The following BOD1L1 variants were observed in gnomAD, a reference collection of about 807,000 sequenced individuals.
BOD1L1 encodes biorientation of chromosomes in cell division 1 like 1.
Under a neutral mutation model 240.7 loss-of-function variants are expected in BOD1L1, and 86 were observed. That is an observed-to-expected ratio of 0.36 (90% CI 0.30 to 0.43). BOD1L1 has a LOEUF of 0.43. Ranked by LOEUF, BOD1L1 falls within the 20% of genes least tolerant of loss-of-function variation. The pLI, the probability that BOD1L1 is intolerant of heterozygous loss-of-function variation, is 1.00. For missense variants in BOD1L1, 3,554 were observed against 3,643.5 expected (o/e 0.98, Z 0.63); for synonymous variants, 1,268 against 1,272.3 (o/e 1.00, Z 0.07).
chr4:13,609,278 A>G lies in BOD1L1; in HGVS notation c.1603+17T>C, dbSNP rs1478727578. The G allele has an allele frequency of 2.9e-6, 4 of 1,400,116 alleles. No homozygotes were observed. Among genetic ancestry groups the G allele is most frequent in the Admixed American group, 6.4e-5 (2 of 31,446 alleles). 86.7% of individuals were successfully genotyped at this position (1,400,116 alleles called of 1,614,324 possible). A position where few individuals can be genotyped will look rare whatever the true frequency, so the allele number is the denominator to read the frequency against. On this transcript the variant is annotated intron_variant, in intron 7 of 25. Coordinates refer to ENST00000040738, the MANE Select transcript of BOD1L1 (RefSeq NM_148894.3). ...ATATATGAGATAGTTTAAAATATTA[A>G]AAGTTGACATCTATACCTTGACCCT...
chr4:13,577,740 C>T lies in BOD1L1; in HGVS notation c.8750-109G>A, dbSNP rs1385144209. ...GTATCAGTATTAATACATTGTTATA[C>T]ATTTCATCATTATCTTGTATCAGTC... On this transcript the variant is annotated intron_variant, in intron 22 of 25. Transcript: ENST00000040738. 11 of 757,028 alleles carry T rather than the reference C, an allele frequency of 1.5e-5. 1 individual carries two copies. The South Asian group carries it at 1.5e-4, about 10-fold the overall frequency. 46.9% of individuals were successfully genotyped at this position (757,028 alleles called of 1,614,324 possible).
At chr4:13,610,903 A>C (rs1716107861) in intron 6 of BOD1L1, 31 bp downstream of exon 6, 29 of 1,553,880 alleles carry the variant, frequency 1.9e-5, no homozygotes, top group Non-Finnish European at 2.2e-5. Context: ...CTGATGTAGT[A>C]GGTTAAAATA....
At chr4:13,598,385 G>A (rs894997705) in intron 10 of BOD1L1, among the ~76,000 whole-genome samples, 14 of 152,152 alleles carry the variant, frequency 9.2e-5, no homozygotes, top group Non-Finnish European at 1.9e-4. Flanking sequence ...GATCAGATGA[G>A]GGTTGGAATC....
intron 1 of BOD1L1, among the ~76,000 whole-genome samples, chr4:13,621,484 C>A (rs1223824208): frequency 2.6e-5 from 4 of 152,216 alleles, no homozygotes; most frequent in African/African-American, 9.6e-5. Context: ...CATCTTGACA[C>A]CGAAGGTAGG....
intron 1 of BOD1L1, among the ~76,000 whole-genome samples, chr4:13,621,349 G>A (rs1717019331): frequency 6.6e-6 from 1 of 152,118 alleles, no homozygotes; most frequent in Non-Finnish European, 1.5e-5. Flanking sequence ...CCTCCTTTTA[G>A]CTTCAAAGTT....
intron 14 of BOD1L1, 54 bp from the exon 15 acceptor site, chr4:13,588,846 ATACT>A: frequency 7.6e-7 from 1 of 1,312,700 alleles, no homozygotes; most frequent in Non-Finnish European, 1.0e-6. Context: ...TTATATTCCA[ATACT>A]TACTTAGGTA....
At position 13,599,876 on chromosome 4, in the gene BOD1L1, C is replaced by T. The variant is rs772205901; in HGVS notation, c.7024G>A (p.Ala2342Thr). Residue 2342 changes from alanine (A) to threonine (T), a missense_variant, in exon 10 of 26, where the codon GCC becomes ACC. Physicochemically the swap from Ala to Thr is moderately conservative, Grantham distance 58. Coordinates refer to ENST00000040738, the MANE Select transcript of BOD1L1 (RefSeq NM_148894.3). ...TSTAECMPIS[A>T]SIDRHEENQL... ...TTCTCTTCATGTCTGTCAATGCTGG[C>T]GGAAATTGGCATACATTCTGCTGTG... is the stretch of plus-strand genomic sequence containing the variant. 53 of 1,613,832 alleles carry T rather than the reference C, an allele frequency of 3.3e-5. No homozygotes were observed. Among genetic ancestry groups the T allele is most frequent in the African/African-American group, 1.2e-4 (9 of 74,918 alleles).
In BOD1L1 at chr4:13,570,065, T is replaced by A; in HGVS notation, c.9102A>T (p.Arg3034=). ...CCTCCACCCTTTGCTGGCCTCTTGT[T>A]CGGGCCCCAGGAGGGCTGACTTCTC... ...RKREVSPPGA[R]TRGQQRVEEA... is the part of the protein sequence containing the mutation. The change falls in exon 26 of 26, where the codon CGA becomes CGT. Residue 3034 remains arginine (R), a synonymous_variant. Transcript: ENST00000040738. The A allele has an allele frequency of 6.2e-7, 1 of 1,606,874 alleles. No homozygotes were observed.
At position 13,610,947 on chromosome 4, in the gene BOD1L1, C is replaced by T; in HGVS notation, c.1478G>A (p.Arg493Gln). 5 of 1,602,342 alleles carry T rather than the reference C, an allele frequency of 3.1e-6. No homozygotes were observed. In the South Asian group the frequency reaches 3.4e-5, roughly 11 times the overall value. The change falls in exon 6 of 26, where the codon CGA becomes CAA. Residue 493 changes from arginine to glutamine, a missense_variant. Physicochemically the swap from Arg to Gln is conservative, Grantham distance 43. This residue lies in a region of BOD1L1 where 3,393 missense variants were observed against 3,427.1 expected (regional missense o/e 0.99). Transcript: ENST00000040738. The stretch of plus-strand genomic sequence containing the variant: ...AACTGGACTTACAATGGACTGTCGT[C>T]GTTGTTCTACAGTAAGCTCATCATC... Reference protein sequence around the residue: ...DSDDELTVEQRRQSIAKEKEE... With the variant: ...DSDDELTVEQQRQSIAKEKEE...
intron 7 of BOD1L1, among the ~76,000 whole-genome samples, chr4:13,608,920 G>T (rs1168120968): frequency 6.6e-6 from 1 of 152,032 alleles, no homozygotes; most frequent in Non-Finnish European, 1.5e-5. Context: ...ATACAATTTT[G>T]TTCAACACAA....
chr4:13,611,361 T>C (rs186164943), intron 5 of BOD1L1, among the ~76,000 whole-genome samples: 56 of 152,290 alleles, frequency 3.7e-4, no homozygotes, highest in African/African-American at 1.3e-3. Flanking sequence ...ACAAATTAAA[T>C]GTAACAGAGT....
Position 13,600,261 on chromosome 4 carries a change from C to T in BOD1L1, c.6639G>A (p.Lys2213=), listed in dbSNP as rs773567312. The T allele has an allele frequency of 9.3e-6, 15 of 1,613,934 alleles. No homozygotes were observed. Among genetic ancestry groups the T allele is most frequent in the African/African-American group, 5.3e-5 (4 of 74,940 alleles). The change falls in exon 10 of 26, where the codon AAG becomes AAA. Residue 2213 remains lysine (K), a synonymous_variant. Coordinates refer to ENST00000040738, the MANE Select transcript of BOD1L1 (RefSeq NM_148894.3). ...TAGTGGAAATGAGAGCACATTCATCCTTCTCCTCCTTGCTGGTTGAGGCAA... is the reference window on the plus strand; with the variant it reads ...TAGTGGAAATGAGAGCACATTCATCTTTCTCCTCCTTGCTGGTTGAGGCAA... ...SPLASTSKEE[K]DECALISTSI...
Position 13,599,267 on chromosome 4 carries a change from T to C in BOD1L1, c.7633A>G (p.Thr2545Ala). 1 of 1,613,774 alleles carries C rather than the reference T, an allele frequency of 6.2e-7. No homozygotes were observed. Among genetic ancestry groups the C allele is most frequent in the Non-Finnish European group, 8.5e-7 (1 of 1,179,748 alleles). The change falls in exon 10 of 26, where the codon ACC becomes GCC. Residue 2545 changes from threonine to alanine, a missense_variant. Thr to Ala is a moderately conservative substitution (Grantham distance 58). Coordinates refer to ENST00000040738, the MANE Select transcript of BOD1L1 (RefSeq NM_148894.3). Reference protein sequence around the residue: ...KADDMPPVQGTVAEHSFLPAE... With the variant: ...KADDMPPVQGAVAEHSFLPAE... ...GGAAGAAAGGAATGCTCAGCCACGG[T>C]CCCTTGAACAGGTGGCATGTCATCA... is the stretch of plus-strand genomic sequence containing the variant.
At position 13,586,347 on chromosome 4, in the gene BOD1L1, G is replaced by T. The variant is rs1577324268; in HGVS notation, c.8433+49C>A. 1.3e-5 allele frequency: 15 copies of T among 1,158,882 alleles called. No individual in the cohort carries two copies. In the East Asian group the frequency reaches 3.3e-4, roughly 26 times the overall value. The allele number at this position is 1,158,882 out of a possible 1,614,324, so 71.8% of individuals were successfully genotyped here. On this transcript the variant is annotated intron_variant, in intron 17 of 25. Coordinates refer to ENST00000040738, the MANE Select transcript of BOD1L1 (RefSeq NM_148894.3). ...TAAGTATTTACAATGCTGTAATTAG[G>T]CCTCCCTACCCCCACCCAAAACTTA... is the stretch of plus-strand genomic sequence containing the variant.
chr4:13,609,932 C>G (rs1175339548), intron 6 of BOD1L1, among the ~76,000 whole-genome samples: 2 of 152,172 alleles, frequency 1.3e-5, no homozygotes, highest in Non-Finnish European at 2.9e-5. Flanking sequence ...AAAGAATTCA[C>G]AGTCATTGTG....
In BOD1L1 at chr4:13,600,834, A is replaced by C. The variant is rs767041223; in HGVS notation, c.6066T>G (p.Ala2022=). The change falls in exon 10 of 26, where the codon GCT becomes GCG. Residue 2022 remains alanine, a synonymous_variant. Coordinates refer to ENST00000040738, the MANE Select transcript of BOD1L1 (RefSeq NM_148894.3). ...CTTCTTTTTCACTTGGTGATGTGTG[A>C]GCAACTTCACATTCTGGGACTTCAC... The part of the protein sequence containing the change: ...VSGEVPECEV[A]HTSPSEKEDE... The C allele has an allele frequency of 3.7e-6, 6 of 1,613,768 alleles. No homozygotes were observed. The East Asian group carries it at 1.3e-4, about 36-fold the overall frequency.
Position 13,586,301 on chromosome 4 carries a change from A to G in BOD1L1, c.8433+95T>C, listed in dbSNP as rs1577324168. ...TTAGAGACATTTAAAGAGGGATAGTAAAATGAAAAAAATATTATACTAAGT... is the reference window on the plus strand; with the variant it reads ...TTAGAGACATTTAAAGAGGGATAGTGAAATGAAAAAAATATTATACTAAGT... On this transcript the variant is annotated intron_variant, in intron 17 of 25. Coordinates refer to ENST00000040738, the MANE Select transcript of BOD1L1 (RefSeq NM_148894.3). 22 of 603,794 alleles carry G rather than the reference A, an allele frequency of 3.6e-5. No homozygotes were observed. The East Asian group carries it at 6.5e-4, about 18-fold the overall frequency. 37.4% of individuals were successfully genotyped at this position (603,794 alleles called of 1,614,324 possible).
intron 17 of BOD1L1, among the ~76,000 whole-genome samples, chr4:13,584,949 A>T (rs1207268543): frequency 6.6e-6 from 1 of 152,230 alleles, no homozygotes; most frequent in Non-Finnish European, 1.5e-5. Flanking sequence ...TTTCCATGTA[A>T]CATTCTTCTG....
rs773596473 is a variant in BOD1L1 at position 13,615,317 on chromosome 4, G to A, written c.554C>T (p.Thr185Ile). 2 of 1,608,586 alleles carry A rather than the reference G, an allele frequency of 1.2e-6. No individual in the cohort carries two copies. The highest frequency in any genetic ancestry group is 1.7e-6 in the Non-Finnish European group (2 of 1,177,066). The change falls in exon 3 of 26, where the codon ACA becomes ATA. Residue 185 changes from threonine (T) to isoleucine (I), a missense_variant. Transcript: ENST00000040738. ...CAAGAGTAAAAGCAAAGCACCTTGT[G>A]TAATAAGGGAAGTGTCTGGTTTCTC... ...DDEKPDTSLI[T>I]QGVPTPGPSA... is the part of the protein sequence containing the mutation.
Sources: allele counts gnomAD v4.1 joint callset (sites outside exome capture counted in the v4.1 genomes callset), GRCh38; gene constraint gnomAD v4.1.1; regional missense constraint gnomAD v4.1.1; transcripts MANE v1.5; gene names NCBI Gene and HGNC (gene_info 2026-07-23, HGNC 2026-07-21).